The following PTPRG variants were observed in gnomAD, a reference collection of about 807,000 sequenced individuals.
PTPRG encodes the protein protein tyrosine phosphatase receptor type G, also known as receptor-type tyrosine-protein phosphatase gamma.
In PTPRG, 102 loss-of-function variants were observed where a neutral mutation model predicts 165.3. The ratio of observed to expected loss-of-function variants is 0.62; its 90% CI spans 0.53 to 0.73. PTPRG has a LOEUF of 0.73. PTPRG is among the 30% of genes least tolerant of loss of function. The pLI is 0.00. For missense variants in PTPRG, 1,866 were observed against 1,861.4 expected (o/e 1.00, Z -0.05); for synonymous variants, 675 against 669.5 (o/e 1.01, Z -0.13).
At chr3:61,800,881 T>A (rs1341800643) in intron 2 of PTPRG, among the ~76,000 whole-genome samples, 1 of 151,972 alleles carries the variant, frequency 6.6e-6, no homozygotes, top group Non-Finnish European at 1.5e-5. Flanking sequence ...GGACCTCAGG[T>A]GATCCACCCG....
chr3:62,294,940 A>C lies in PTPRG; in HGVS notation c.*1633A>C, dbSNP rs1233365789. ...ATTTGGCTTTCATAAAGTTTGTCAG[A>C]ATGGTGCTGGAGGACCAGAAGTGCT... On this transcript the variant is annotated 3_prime_UTR_variant, in exon 30 of 30. Coordinates refer to ENST00000474889, the MANE Select transcript of PTPRG (RefSeq NM_002841.4). The C allele has an allele frequency of 3.3e-5, 5 of 152,108 alleles. No individual in the cohort carries two copies. The highest frequency in any genetic ancestry group is 9.7e-5 in the African/African-American group (4 of 41,420). 9.4% of individuals were successfully genotyped at this position (152,108 alleles called of 1,614,324 possible).
chr3:61,862,241 G>C (rs2037289674), intron 2 of PTPRG, among the ~76,000 whole-genome samples: 1 of 152,152 alleles, frequency 6.6e-6, no homozygotes. Context: ...ACCAGGCTGT[G>C]GTGCCCAAAA....
intron 4 of PTPRG, among the ~76,000 whole-genome samples, chr3:62,038,346 G>A (rs971957626): frequency 1.3e-5 from 2 of 152,248 alleles, no homozygotes; most frequent in South Asian, 2.1e-4. Flanking sequence ...CAGAGCATTC[G>A]ATTAAGCATA....
chr3:61,666,262 TTTCTC>T (rs1559547503), intron 1 of PTPRG, among the ~76,000 whole-genome samples: 1 of 152,202 alleles, frequency 6.6e-6, no homozygotes, highest in Admixed American at 6.6e-5. Flanking sequence ...GGTGATGAGA[TTTCTC>T]TTCTGTTATC....
chr3:61,562,389 G>A lies in PTPRG; in HGVS notation c.85+17G>A, dbSNP rs1466112863. On this transcript the variant is annotated intron_variant, in intron 1 of 29. Coordinates refer to ENST00000474889, the MANE Select transcript of PTPRG (RefSeq NM_002841.4). ...GCTTCCCCGGTGAGTGCCGGCCGCC[G>A]AGGGGATGCGGCCCCGGCCGGCGCG... is the stretch of plus-strand genomic sequence containing the variant. 2 of 1,611,950 alleles carry A rather than the reference G, an allele frequency of 1.2e-6. No homozygotes were observed. Among genetic ancestry groups the A allele is most frequent in the East Asian group, 2.2e-5 (1 of 44,836 alleles).
chr3:61,607,340 A>G (rs917192321), intron 1 of PTPRG, among the ~76,000 whole-genome samples: 1 of 152,156 alleles, frequency 6.6e-6, no homozygotes, highest in Admixed American at 6.6e-5. Flanking sequence ...AATACTTAGA[A>G]TATTGTCCCG....
At chr3:62,186,805 G>A (rs1699662837) in intron 8 of PTPRG, among the ~76,000 whole-genome samples, 1 of 151,940 alleles carries the variant, frequency 6.6e-6, no homozygotes, top group South Asian at 2.1e-4. Flanking sequence ...GGCCTCGAGC[G>A]ATCCACCCAC....
chr3:62,101,406 A>G (rs1377812790), intron 5 of PTPRG, among the ~76,000 whole-genome samples: 2 of 152,268 alleles, frequency 1.3e-5, no homozygotes, highest in African/African-American at 4.8e-5. Flanking sequence ...TACGGAATCT[A>G]TACCATGCCA....
At chr3:61,593,672 G>C (rs965923795) in intron 1 of PTPRG, among the ~76,000 whole-genome samples, 1 of 148,634 alleles carries the variant, frequency 6.7e-6, no homozygotes, top group African/African-American at 2.5e-5. Flanking sequence ...CATTTTTAAT[G>C]AGGAGAGAAG....
At chr3:61,815,883 C>G (rs1559627475) in intron 2 of PTPRG, among the ~76,000 whole-genome samples, 1 of 152,160 alleles carries the variant, frequency 6.6e-6, no homozygotes, top group Non-Finnish European at 1.5e-5. Flanking sequence ...TTTGGAAATT[C>G]TAGAATGGAC....
At position 62,231,327 on chromosome 3, in the gene PTPRG, G is replaced by C; in HGVS notation, c.2375+16G>C. 4.5e-6 allele frequency: 7 copies of C among 1,549,268 alleles called. No individual in the cohort carries two copies. Among genetic ancestry groups the C allele is most frequent in the Non-Finnish European group, 6.1e-6 (7 of 1,149,480 alleles). ...AGGGGAGCAGGTGAGGGGCGGTCAA[G>C]CTTAAGTGGGGGGCGTCTTGATGGC... On this transcript the variant is annotated intron_variant, in intron 14 of 29. Coordinates refer to ENST00000474889, the MANE Select transcript of PTPRG (RefSeq NM_002841.4).
intron 5 of PTPRG, among the ~76,000 whole-genome samples, chr3:62,108,046 CT>C (rs35573206): frequency 0.085 from 12,428 of 145,702 alleles, 518 homozygotes; most frequent in South Asian, 0.11. Context: ...CTCTCTCGCT[CT>C]TTTTTTTTTT....
At position 61,884,763 on chromosome 3, in the gene PTPRG, C is replaced by G. The variant is rs188723032; in HGVS notation, c.191-104862C>G. 2.0e-5 allele frequency among the ~76,000 whole-genome samples: 3 copies of G among 152,258 alleles called. No individual in the cohort carries two copies. The East Asian group carries it at 5.8e-4, about 29-fold the overall frequency. ...AAGTTTATTTACCTTTCAAGGGCCT[C>G]GTCTCTTCTTGATTTGAAAAAGCAG... On this transcript the variant is annotated intron_variant, in intron 2 of 29. Coordinates refer to ENST00000474889, the MANE Select transcript of PTPRG (RefSeq NM_002841.4).
chr3:61,718,318 C>A (rs1420820273), intron 1 of PTPRG, among the ~76,000 whole-genome samples: 1 of 150,424 alleles, frequency 6.6e-6, no homozygotes, highest in Non-Finnish European at 1.5e-5. Flanking sequence ...TTTAAAAATT[C>A]ATTTTATATT....
intron 2 of PTPRG, among the ~76,000 whole-genome samples, chr3:61,790,300 C>T (rs539541010): frequency 2.6e-5 from 4 of 152,298 alleles, no homozygotes; most frequent in South Asian, 2.1e-4. Context: ...TTCTCTTCTC[C>T]GTCTGTCCCT....
intron 1 of PTPRG, among the ~76,000 whole-genome samples, chr3:61,725,530 T>G (rs1356993587): frequency 1.3e-5 from 2 of 152,222 alleles, no homozygotes; most frequent in Admixed American, 1.3e-4. Flanking sequence ...TCTGTGGGTC[T>G]CCTTCTGGGT....
chr3:61,809,346 G>T lies in PTPRG; in HGVS notation c.190+60364G>T, dbSNP rs2035506503. ...TCAGAGAAAAATGTGATCACTGATGGCTTTTTGCTGCATCTTGAGGGGAGA... is the reference window on the plus strand; with the variant it reads ...TCAGAGAAAAATGTGATCACTGATGTCTTTTTGCTGCATCTTGAGGGGAGA... On this transcript the variant is annotated intron_variant, in intron 2 of 29. Transcript: ENST00000474889. 2.6e-5 allele frequency among the ~76,000 whole-genome samples: 4 copies of T among 151,998 alleles called. No individual in the cohort carries two copies. In the South Asian group the frequency reaches 8.3e-4, roughly 32 times the overall value.
rs1702271411 is a variant in PTPRG at position 62,277,559 on chromosome 3, T to C, written c.3645T>C (p.Tyr1215=). The C allele has an allele frequency of 1.2e-6, 2 of 1,610,930 alleles. No homozygotes were observed. Among genetic ancestry groups the C allele is most frequent in the Non-Finnish European group, 1.7e-6 (2 of 1,179,058 alleles). The change falls in exon 26 of 30, where the codon TAT becomes TAC. Residue 1215 remains tyrosine, a synonymous_variant. Coordinates refer to ENST00000474889, the MANE Select transcript of PTPRG (RefSeq NM_002841.4). ...TGTCTTCCCAACTGAAGGGCTATTA[T>C]AGGAGCAATGAATTTATTATAACTC... The part of the protein sequence containing the change: ...YINASYIMGY[Y]RSNEFIITQH...
intron 1 of PTPRG, among the ~76,000 whole-genome samples, chr3:61,657,064 C>T (rs1702527010): frequency 6.6e-6 from 1 of 152,154 alleles, no homozygotes; most frequent in Admixed American, 6.5e-5. Context: ...CAGGAGTTTT[C>T]AGAAATGAAG....
Sources: allele counts gnomAD v4.1 joint callset (sites outside exome capture counted in the v4.1 genomes callset), GRCh38; gene constraint gnomAD v4.1.1; transcripts MANE v1.5; gene names NCBI Gene and HGNC (gene_info 2026-07-23, HGNC 2026-07-21).